Variants in ITFG2 observed in about 807,000 individuals in gnomAD.
ITFG2 encodes the protein integrin alpha FG-GAP repeat containing 2.
Under a neutral mutation model 54.4 loss-of-function variants are expected in ITFG2, and 36 were observed. The observed-to-expected ratio is 0.66, with a 90% CI of 0.51 to 0.87. ITFG2 has a LOEUF of 0.87. ITFG2 is among the 40% of genes least tolerant of loss of function. The pLI is 0.00. For missense variants in ITFG2, 524 were observed against 576.7 expected (o/e 0.91, Z 0.94); for synonymous variants, 211 against 225.4 (o/e 0.94, Z 0.57).
chr12:2,818,391 A>T, intron 4 of ITFG2, 114 bp downstream of exon 4: 1 of 1,535,528 alleles, frequency 6.5e-7, no homozygotes, highest in Non-Finnish European at 8.7e-7. Context: ...TGCATTTGTT[A>T]TGTGCTGAGC....
At position 2,821,574 on chromosome 12, in the gene ITFG2, C is replaced by G; in HGVS notation, c.825C>G (p.Leu275=). 6.2e-7 allele frequency: 1 copy of G among 1,614,224 alleles called. No individual in the cohort carries two copies. The highest frequency in any genetic ancestry group is 8.5e-7 in the Non-Finnish European group (1 of 1,180,046). ...GHGTESSGSG[L]FALCTLDGTL... ...GCACTGAGAGTAGTGGCTCTGGCCT[C>G]TTTGCCCTGTGCACCCTGGATGGTG... is the stretch of plus-strand genomic sequence containing the variant. Residue 275 remains leucine, a synonymous_variant, in exon 8 of 12, where the codon CTC becomes CTG. Transcript: ENST00000228799.
chr12:2,816,330 C>CTTT (rs34665036), intron 1 of ITFG2, among the ~76,000 whole-genome samples: 2 of 120,448 alleles, frequency 1.7e-5, no homozygotes, highest in East Asian at 2.7e-4. Flanking sequence ...CGCACACAGC[C>CTTT]TTTTTTTTTT....
chr12:2,840,954 C>A, exon 2 of ITFG2: 1 of 152,666 alleles, frequency 6.6e-6, no homozygotes, highest in Non-Finnish European at 1.5e-5. Context: ...GAGGGCCATG[C>A]AGACACCTGG....
At chr12:2,852,070 A>G (rs540886793) in intron 2 of ITFG2, among the ~76,000 whole-genome samples, 1 of 152,316 alleles carries the variant, frequency 6.6e-6, no homozygotes, top group Admixed American at 6.5e-5. Flanking sequence ...TAGCTCCATT[A>G]TAATCTTATG....
chr12:2,845,531 G>A lies in ITFG2; in HGVS notation n.300+4536G>A, dbSNP rs1454308042. On this transcript the variant is annotated intron_variant and non_coding_transcript_variant, in intron 2 of 3. Coordinates refer to the ITFG2 transcript ENST00000537710. The surrounding 1 kb of genome is among the most constrained non-coding windows in gnomAD (Gnocchi z 4.2). ...TGGAAAGGGGGAGGTGGAGGGAGGG[G>A]AGTTTTTGGCCCGGAAATGGCTGGG... 6.6e-6 allele frequency among the ~76,000 whole-genome samples: 1 copy of A among 152,164 alleles called. No individual in the cohort carries two copies. Among genetic ancestry groups the A allele is most frequent in the Non-Finnish European group, 1.5e-5 (1 of 68,030 alleles).
chr12:2,853,837 C>T (rs1184418907), intron 2 of ITFG2, among the ~76,000 whole-genome samples: 1 of 152,060 alleles, frequency 6.6e-6, no homozygotes, highest in Non-Finnish European at 1.5e-5. Flanking sequence ...TCTCAACGTT[C>T]CTGGCTCCGC....
intron 3 of ITFG2, chr12:2,858,990 G>C (rs926667225): frequency 6.2e-7 from 1 of 1,613,454 alleles, no homozygotes; most frequent in Non-Finnish European, 8.5e-7. Context: ...CAAGGGGTCA[G>C]AGGCACCCTG....
chr12:2,857,350 T>G, intron 2 of ITFG2: 1 of 411,054 alleles, frequency 2.4e-6, no homozygotes, highest in Non-Finnish European at 4.5e-6. Flanking sequence ...AACTGGGCCC[T>G]TCCTGCCCTA....
rs1334377089 is a variant in ITFG2 at position 2,824,465 on chromosome 12, A to G, written c.*272A>G. 4.4e-6 allele frequency: 2 copies of G among 456,498 alleles called. No homozygotes were observed. The highest frequency in any genetic ancestry group is 8.2e-6 in the Non-Finnish European group (2 of 244,236). The allele number at this position is 456,498 out of a possible 1,614,324, so 28.3% of individuals were successfully genotyped here. ...GTCATAGGACCCTGGCCTTGTTCCA[A>G]ATCATCTGGGACATGACCCACTCCC... is the stretch of plus-strand genomic sequence containing the variant. On this transcript the variant is annotated 3_prime_UTR_variant, in exon 12 of 12. Coordinates refer to ENST00000228799, the MANE Select transcript of ITFG2 (RefSeq NM_018463.4).
At chr12:2,854,359 T>C (rs1039063892) in intron 2 of ITFG2, among the ~76,000 whole-genome samples, 1 of 152,186 alleles carries the variant, frequency 6.6e-6, no homozygotes, top group Non-Finnish European at 1.5e-5. Context: ...CTTCCACATA[T>C]TCACTAGCTC....
At chr12:2,820,247 A>G (rs71458018) in intron 5 of ITFG2, 22 bp downstream of exon 5, 37 of 1,560,470 alleles carry the variant, frequency 2.4e-5, no homozygotes, top group Non-Finnish European at 3.1e-5. Context: ...ACTCTGGGGA[A>G]CAAGGCCCCA....
chr12:2,824,178 C>T lies in ITFG2; in HGVS notation c.1329C>T (p.Leu443=). The part of the protein sequence containing the change: ...DQPPQCAPSS[L]QDPT Reference sequence around the variant, plus strand: ...CACCACAGTGTGCTCCCTCAAGCCTCCAGGATCCCACCTAGCTGTACTTGC... The same window carrying T: ...CACCACAGTGTGCTCCCTCAAGCCTTCAGGATCCCACCTAGCTGTACTTGC... The change falls in exon 12 of 12, where the codon CTC becomes CTT. Residue 443 remains leucine (L), a synonymous_variant. Coordinates refer to ENST00000228799, the MANE Select transcript of ITFG2 (RefSeq NM_018463.4). The T allele has an allele frequency of 6.2e-7, 1 of 1,614,174 alleles. No individual in the cohort carries two copies. The highest frequency in any genetic ancestry group is 8.5e-7 in the Non-Finnish European group (1 of 1,180,028).
chr12:2,814,717 G>T (rs1454640201), intron 1 of ITFG2, among the ~76,000 whole-genome samples: 1 of 151,348 alleles, frequency 6.6e-6, no homozygotes, highest in Non-Finnish European at 1.5e-5. Context: ...TTGTAGTCCC[G>T]GCTACTCAGG....
At chr12:2,853,306 G>A (rs1293326102) in intron 2 of ITFG2, among the ~76,000 whole-genome samples, 6 of 151,646 alleles carry the variant, frequency 4.0e-5, no homozygotes, top group East Asian at 1.9e-4. Context: ...ACAAAGTCTC[G>A]CTCTTGTCAC....
At chr12:2,833,501 C>T (rs1461367669), upstream of ITFG2, among the ~76,000 whole-genome samples, 1 of 151,834 alleles carries the variant, frequency 6.6e-6, no homozygotes, top group Admixed American at 6.6e-5. Flanking sequence ...TAGGGAAAGG[C>T]GAGGTGCTGC....
At chr12:2,828,310 C>T, downstream of ITFG2, 1 of 1,608,936 alleles carries the variant, frequency 6.2e-7, no homozygotes, top group South Asian at 1.1e-5. Flanking sequence ...CCCCCACTTG[C>T]TTGTTTGGGC....
At chr12:2,817,588 T>C (rs1281021423) in intron 2 of ITFG2, 1 of 515,572 alleles carries the variant, frequency 1.9e-6, no homozygotes, top group African/African-American at 1.9e-5. Flanking sequence ...GGTTGTCTAA[T>C]CTTAAAGTAT....
At chr12:2,836,804 C>T (rs4765999), upstream of ITFG2, 42,644 of 151,998 alleles carry the variant, frequency 0.28, 6,466 homozygotes, top group Non-Finnish European at 0.34. Flanking sequence ...AGGCTGAGGT[C>T]GGGATAATGC....
At chr12:2,817,771 C>A in intron 2 of ITFG2, 138 bp from the exon 3 acceptor site, 1 of 772,868 alleles carries the variant, frequency 1.3e-6, no homozygotes. Context: ...TAATAAAGAC[C>A]ATCACCATGG....
Sources: gnomAD v4.1 joint callset for allele counts (sites outside exome capture counted in the v4.1 genomes callset) on GRCh38, gnomAD v4.1.1 for gene constraint, Gnocchi (gnomAD v3.1) non-coding constraint, MANE v1.5 for transcripts, NCBI Gene and HGNC (gene_info 2026-07-23, HGNC 2026-07-21) for gene names.